The following ENTPD5 variants were observed in gnomAD, a reference collection of about 807,000 sequenced individuals.
ENTPD5 encodes the protein nucleoside diphosphate phosphatase ENTPD5.
ENTPD5 carries 49 observed loss-of-function variants against 60.2 expected under a neutral mutation model. The observed-to-expected ratio is 0.81, with a 90% CI of 0.65 to 1.03. ENTPD5 has a LOEUF of 1.03. Ranked by LOEUF, ENTPD5 falls within the 50% of genes least tolerant of loss-of-function variation. The probability of loss-of-function intolerance (pLI) is 0.00; values close to 1 mark genes in which losing one functional copy is unlikely to be tolerated. For synonymous variants in ENTPD5, 187 were observed against 185.4 expected, an observed-to-expected ratio of 1.01 and a Z score of -0.07; for missense variants, 480 against 507.6, an observed-to-expected ratio of 0.95 and a Z score of 0.52.
intron 5 of ENTPD5, among the ~76,000 whole-genome samples, chr14:73,985,085 G>A (rs2057845832): frequency 6.6e-6 from 1 of 151,962 alleles, no homozygotes; most frequent in African/African-American, 2.4e-5. Flanking sequence ...CTTTTTTTAT[G>A]GCTACATAGT....
At chr14:73,984,912 C>T (rs113834799) in intron 5 of ENTPD5, among the ~76,000 whole-genome samples, 3,801 of 152,210 alleles carry the variant, frequency 0.025, 164 homozygotes, top group African/African-American at 0.088. Context: ...CGCCACCCCA[C>T]GACAGGCCCC....
At chr14:74,017,210 C>T (rs943394350) in intron 1 of ENTPD5, among the ~76,000 whole-genome samples, 1 of 151,998 alleles carries the variant, frequency 6.6e-6, no homozygotes, top group Non-Finnish European at 1.5e-5. Flanking sequence ...CCCAGCTACT[C>T]GGGAGGCTGA....
intron 3 of ENTPD5, among the ~76,000 whole-genome samples, chr14:74,007,998 T>G (rs549020721): frequency 6.6e-6 from 1 of 151,442 alleles, no homozygotes; most frequent in South Asian, 2.1e-4. Context: ...GCTCAGCTAA[T>G]TTTTTTGTAT....
intron 3 of ENTPD5, among the ~76,000 whole-genome samples, chr14:73,997,044 T>A (rs181751270): frequency 8.5e-5 from 13 of 152,120 alleles, no homozygotes; most frequent in Admixed American, 5.2e-4. Flanking sequence ...GGAACAGACA[T>A]AAGGGACAAG....
intron 8 of ENTPD5, 35 bp downstream of exon 8, chr14:73,976,989 G>C: frequency 6.4e-7 from 1 of 1,569,572 alleles, no homozygotes; most frequent in Non-Finnish European, 8.8e-7. Context: ...GTAAAAGCTA[G>C]TTAAGCTCTA....
chr14:73,975,464 G>T (rs1158951991), intron 10 of ENTPD5, among the ~76,000 whole-genome samples: 1 of 150,134 alleles, frequency 6.7e-6, no homozygotes, highest in African/African-American at 2.5e-5. Context: ...AAGTGCAGTG[G>T]TGTGATCTCG....
At chr14:74,000,485 T>C (rs1026833154) in intron 3 of ENTPD5, among the ~76,000 whole-genome samples, 2 of 144,932 alleles carry the variant, frequency 1.4e-5, no homozygotes, top group Non-Finnish European at 3.0e-5. Context: ...TATATAAGCA[T>C]ATATAAAAGA....
intron 3 of ENTPD5, among the ~76,000 whole-genome samples, chr14:73,991,710 A>G (rs2058142605): frequency 6.6e-6 from 1 of 151,302 alleles, no homozygotes; most frequent in Non-Finnish European, 1.5e-5. Flanking sequence ...AGAGGTCAAT[A>G]GCACATCCCG....
chr14:73,997,404 G>C (rs1168048036), intron 3 of ENTPD5, among the ~76,000 whole-genome samples: 1 of 152,118 alleles, frequency 6.6e-6, no homozygotes, highest in Non-Finnish European at 1.5e-5. Context: ...TGGAAAATTG[G>C]ATAGGTGATT....
At chr14:73,970,180 G>A in intron 14 of ENTPD5, 55 bp from the exon 15 acceptor site, 2 of 1,308,696 alleles carry the variant, frequency 1.5e-6, no homozygotes, top group Middle Eastern at 1.8e-4. Context: ...GAGAGGTGTA[G>A]GATTTTCTCT....
intron 3 of ENTPD5, among the ~76,000 whole-genome samples, chr14:73,997,145 C>T (rs971924936): frequency 2.6e-5 from 4 of 152,042 alleles, no homozygotes; most frequent in Non-Finnish European, 4.4e-5. Flanking sequence ...GGGAAAATGA[C>T]ACAAGGAGGA....
chr14:74,015,676 A>G (rs2058996641), intron 2 of ENTPD5, 148 bp downstream of exon 2: 1 of 152,142 alleles, frequency 6.6e-6, no homozygotes, highest in Non-Finnish European at 1.5e-5. Flanking sequence ...ATTTTGATAC[A>G]TAATAGTTCT....
At chr14:74,009,941 G>A (rs1046033412) in intron 3 of ENTPD5, among the ~76,000 whole-genome samples, 3 of 152,018 alleles carry the variant, frequency 2.0e-5, no homozygotes, top group East Asian at 3.9e-4. Flanking sequence ...ACAGGTGCCC[G>A]CCACCACGCC....
intron 8 of ENTPD5, among the ~76,000 whole-genome samples, 178 bp downstream of exon 8, chr14:73,976,846 T>C (rs2057465026): frequency 6.6e-6 from 1 of 152,146 alleles, no homozygotes; most frequent in Non-Finnish European, 1.5e-5. Context: ...CCTCAAGTGA[T>C]CTGCCCAACT....
chr14:73,976,386 T>C lies in ENTPD5; in HGVS notation c.580A>G (p.Thr194Ala), dbSNP rs2057446421. The C allele has an allele frequency of 1.2e-6, 2 of 1,613,854 alleles. No homozygotes were observed. The highest frequency in any genetic ancestry group is 1.7e-5 in the Admixed American group (1 of 59,986). ...CCCCCTAGGTCCAAGGTCCCCACAGTCTCCTGTCTGTGGCCATGCAGCTGA... is the reference window on the plus strand; with the variant it reads ...CCCCCTAGGTCCAAGGTCCCCACAGCCTCCTGTCTGTGGCCATGCAGCTGA... ...TGQLHGHRQETVGTLDLGGAS... is the reference protein window; with the variant it reads ...TGQLHGHRQEAVGTLDLGGAS... Residue 194 changes from threonine to alanine, a missense_variant, in exon 9 of 16, where the codon ACT becomes GCT. Transcript: ENST00000334696.
chr14:73,969,657 TCA>T (rs1356983678), intron 15 of ENTPD5, among the ~76,000 whole-genome samples: 1 of 152,016 alleles, frequency 6.6e-6, no homozygotes, highest in African/African-American at 2.4e-5. Context: ...TGAGCTGAGA[TCA>T]TGCCATTGCA....
intron 15 of ENTPD5, among the ~76,000 whole-genome samples, chr14:73,968,987 A>T (rs1204403903): frequency 6.6e-6 from 1 of 152,244 alleles, no homozygotes; most frequent in East Asian, 1.9e-4. Context: ...TATATATGAC[A>T]CATTACATAT....
In ENTPD5 at chr14:73,967,028, A is replaced by G. The variant is rs904099157; in HGVS notation, c.1201-14T>C. ...TTTCTTTGTGAGCTGTTGAGAAGAA[A>G]AAAAGTCTTCACCTTTTCATCCAGT... On this transcript the variant is annotated splice_polypyrimidine_tract_variant and intron_variant, in intron 15 of 15. Coordinates refer to ENST00000334696, the MANE Select transcript of ENTPD5 (RefSeq NM_001249.5). The G allele has an allele frequency of 3.7e-6, 6 of 1,611,114 alleles. No homozygotes were observed. Among genetic ancestry groups the G allele is most frequent in the Non-Finnish European group, 5.1e-6 (6 of 1,177,390 alleles).
intron 3 of ENTPD5, among the ~76,000 whole-genome samples, chr14:74,006,664 C>T (rs992826769): frequency 1.2e-4 from 18 of 151,380 alleles, no homozygotes; most frequent in Admixed American, 3.3e-4. Context: ...CAGCTCACTG[C>T]AACCTTCACC....
Sources: allele counts gnomAD v4.1 joint callset (sites outside exome capture counted in the v4.1 genomes callset), GRCh38; gene constraint gnomAD v4.1.1; transcripts MANE v1.5; gene names NCBI Gene and HGNC (gene_info 2026-07-23, HGNC 2026-07-21).